Variants in RLN2 observed in about 807,000 individuals in gnomAD.
RLN2 encodes the protein relaxin 2, also known as prorelaxin H2.
In RLN2, 10 loss-of-function variants were observed where a neutral mutation model predicts 7.3. The observed-to-expected ratio is 1.36, with a 90% CI of 0.84 to 2.31. The LOEUF (loss-of-function observed/expected upper bound fraction) is 2.31, where lower values mean the gene tolerates loss of function less well. Among genes scored for constraint, RLN2 ranks in the 30% most tolerant of loss-of-function variants. RLN2 has a pLI of 0.00. For synonymous variants in RLN2, 103 were observed against 82.3 expected (o/e 1.25, Z -1.36); for missense variants, 298 against 217.6 (o/e 1.37, Z -2.32).
chr9:5,327,514 C>G, the RLN2 span, among the ~76,000 whole-genome samples: 7 of 152,074 alleles, frequency 4.6e-5, 1 homozygote, highest in African/African-American at 1.5e-4. Context: ...CTTCTGCAGA[C>G]TTAAACGTCC....
chr9:5,304,540 A>C lies in RLN2; in HGVS notation c.41T>G (p.Leu14Ter). Residue 14 changes from leucine to a stop codon, truncating the protein, a stop_gained, in exon 1 of 2, where the codon TTA becomes TGA. Coordinates refer to ENST00000381627, the MANE Select transcript of RLN2 (RefSeq NM_134441.3). LOFTEE classifies it high-confidence loss of function. ...LFFFHLLGVC[L>*]LLNQFSRAVA... Reference sequence around the variant, plus strand: ...TGCTCTGGAAAATTGGTTCAGTAGTAAACAGACTCCTAGCAGGTGGAAAAA... The same window carrying C: ...TGCTCTGGAAAATTGGTTCAGTAGTCAACAGACTCCTAGCAGGTGGAAAAA... 6.2e-7 allele frequency: 1 copy of C among 1,613,824 alleles called. No individual in the cohort carries two copies. Among genetic ancestry groups the C allele is most frequent in the Non-Finnish European group, 8.5e-7 (1 of 1,179,916 alleles).
upstream of RLN2, among the ~76,000 whole-genome samples, chr9:5,307,086 C>T (rs1247670763): frequency 1.3e-5 from 2 of 151,972 alleles, no homozygotes; most frequent in Admixed American, 6.6e-5. Context: ...GGTCTATATG[C>T]TTAGACACAG....
chr9:5,302,752 G>A (rs1301569810), intron 1 of RLN2, among the ~76,000 whole-genome samples: 1 of 152,142 alleles, frequency 6.6e-6, no homozygotes, highest in Non-Finnish European at 1.5e-5. Context: ...AAGTGTATGT[G>A]GCAGATTTAT....
the RLN2 span, among the ~76,000 whole-genome samples, chr9:5,327,487 C>A: frequency 6.6e-6 from 1 of 152,184 alleles, no homozygotes; most frequent in East Asian, 1.9e-4. Context: ...CATAGTAGAA[C>A]AAAAGGCAGC....
chr9:5,325,119 A>T, the RLN2 span, among the ~76,000 whole-genome samples: 1 of 152,006 alleles, frequency 6.6e-6, no homozygotes, highest in African/African-American at 2.4e-5. Context: ...TTTAAGGAAA[A>T]ATAACTGCTA....
At position 5,300,108 on chromosome 9, in the gene RLN2, C is replaced by G; in HGVS notation, c.548G>C (p.Arg183Thr). ...HVGCTKRSLA[R>T]FC ...ACAATTAGCTTCATCTCAGCAAAATCTAGCAAGAGATCTTTTGGTACAACC... is the reference window on the plus strand; with the variant it reads ...ACAATTAGCTTCATCTCAGCAAAATGTAGCAAGAGATCTTTTGGTACAACC... Residue 183 changes from arginine (R) to threonine (T), a missense_variant, in exon 2 of 2, where the codon AGA becomes ACA. By Grantham distance (71) the Arg-to-Thr change is moderately conservative (BLOSUM62 -1). Coordinates refer to ENST00000381627, the MANE Select transcript of RLN2 (RefSeq NM_134441.3). 1 of 1,593,388 alleles carries G rather than the reference C, an allele frequency of 6.3e-7. No individual in the cohort carries two copies. Among genetic ancestry groups the G allele is most frequent in the Non-Finnish European group, 8.5e-7 (1 of 1,172,032 alleles).
chr9:5,301,149 T>C (rs1816118416), intron 1 of RLN2, among the ~76,000 whole-genome samples: 1 of 152,252 alleles, frequency 6.6e-6, no homozygotes. Context: ...CTGTGGAGTA[T>C]GTGTACTGAC....
At chr9:5,308,823 A>C (rs1330337575), upstream of RLN2, among the ~76,000 whole-genome samples, 3 of 152,086 alleles carry the variant, frequency 2.0e-5, no homozygotes, top group East Asian at 5.8e-4. Flanking sequence ...CTGAATAGCA[A>C]GTTTCAGCTC....
chr9:5,307,304 GATAGA>G (rs1429074399), upstream of RLN2, among the ~76,000 whole-genome samples: 68 of 142,606 alleles, frequency 4.8e-4, no homozygotes, highest in East Asian at 3.2e-3. Context: ...TAGATAGATA[GATAGA>G]TGATAGATAG....
chr9:5,308,477 G>T (rs144512599), upstream of RLN2, among the ~76,000 whole-genome samples: 17 of 151,990 alleles, frequency 1.1e-4, no homozygotes, highest in African/African-American at 3.6e-4. Context: ...GCTTTTATTG[G>T]GGTTTGTGGT....
chr9:5,330,447 C>A, the RLN2 span, among the ~76,000 whole-genome samples: 2 of 151,426 alleles, frequency 1.3e-5, no homozygotes, highest in African/African-American at 4.9e-5. Flanking sequence ...GACCATCCTG[C>A]CTCACACAGT....
At chr9:5,333,748 G>A in the RLN2 span, among the ~76,000 whole-genome samples, 4 of 151,974 alleles carry the variant, frequency 2.6e-5, no homozygotes, top group Admixed American at 1.3e-4. Context: ...TATCCCTGAT[G>A]AACATCGATG....
At chr9:5,329,764 T>A in the RLN2 span, among the ~76,000 whole-genome samples, 1 of 151,806 alleles carries the variant, frequency 6.6e-6, no homozygotes, top group East Asian at 1.9e-4. Context: ...ATAAAACAAG[T>A]CCTTAGAGAC....
the RLN2 span, among the ~76,000 whole-genome samples, chr9:5,332,553 T>C: frequency 0.29 from 43,410 of 151,256 alleles, 6,807 homozygotes; most frequent in East Asian, 0.44. Flanking sequence ...GACAGCAGAT[T>C]GGAACAATTT....
At chr9:5,327,215 C>T in the RLN2 span, among the ~76,000 whole-genome samples, 1 of 152,094 alleles carries the variant, frequency 6.6e-6, no homozygotes, top group Non-Finnish European at 1.5e-5. Context: ...TTCCAACAGT[C>T]TTAGCAACCG....
upstream of RLN2, among the ~76,000 whole-genome samples, chr9:5,306,830 G>C (rs1457846799): frequency 6.6e-6 from 1 of 152,022 alleles, no homozygotes; most frequent in Non-Finnish European, 1.5e-5. Context: ...ATGTAGGACA[G>C]CAGGAACATT....
the RLN2 span, chr9:5,311,828 C>CT: frequency 7.6e-3 from 3,801 of 503,360 alleles, 10 homozygotes; most frequent in East Asian, 0.031. Context: ...TATTTTTTTT[C>CT]TTTTTTTTTT....
chr9:5,313,165 G>C, the RLN2 span, among the ~76,000 whole-genome samples: 1 of 151,984 alleles, frequency 6.6e-6, no homozygotes, highest in African/African-American at 2.4e-5. Flanking sequence ...GTTGCTGAAA[G>C]TGAGATACTG....
chr9:5,311,817 G>GT, the RLN2 span: 3 of 637,144 alleles, frequency 4.7e-6, no homozygotes, highest in African/African-American at 5.7e-5. Flanking sequence ...TTTTTTTTTA[G>GT]TATTTTTTTT....
Sources: allele counts gnomAD v4.1 joint callset (sites outside exome capture counted in the v4.1 genomes callset), GRCh38; gene constraint gnomAD v4.1.1; transcripts MANE v1.5; gene names NCBI Gene and HGNC (gene_info 2026-07-23, HGNC 2026-07-21).